The following DIS3 variants were observed in gnomAD, a reference collection of about 807,000 sequenced individuals.
DIS3 encodes exosome complex exonuclease RRP44.
DIS3 carries 103 observed loss-of-function variants against 113.0 expected under a neutral mutation model. The observed-to-expected ratio is 0.91, with a 90% CI of 0.78 to 1.07. The LOEUF (loss-of-function observed/expected upper bound fraction) is 1.07, where lower values mean the gene tolerates loss of function less well. Among genes scored for constraint, DIS3 ranks in the 50% least tolerant of loss-of-function variants. The probability of loss-of-function intolerance (pLI) is 0.00; values close to 1 mark genes in which losing one functional copy is unlikely to be tolerated. For synonymous variants in DIS3, 402 were observed against 394.3 expected (o/e 1.02, Z -0.23); for missense variants, 1,121 against 1,167.1 (o/e 0.96, Z 0.58).
chr13:72,781,734 C>A lies in DIS3; in HGVS notation c.99G>T (p.Ala33=). ...HYLRDDIGCG[A]PGCAACGGAH... ...CCCCTCCACACGCTGCGCACCCGGG[C>A]GCACCGCAGCCGATGTCGTCTCGCA... The change falls in exon 1 of 21, where the codon GCG becomes GCT. Residue 33 remains alanine (A), a synonymous_variant. Coordinates refer to ENST00000377767, the MANE Select transcript of DIS3 (RefSeq NM_014953.5). 6.3e-7 allele frequency: 1 copy of A among 1,587,672 alleles called. No individual in the cohort carries two copies. The highest frequency in any genetic ancestry group is 1.8e-4 in the Middle Eastern group (1 of 5,694).
chr13:72,766,181 G>C lies in DIS3; in HGVS notation c.1884-123C>G, dbSNP rs1038164025. Reference sequence around the variant, plus strand: ...GTGTGTAATAGTTGCTCTTCTGAAGGCTTTATGACCATCTGCTGTTTCATG... The same window carrying C: ...GTGTGTAATAGTTGCTCTTCTGAAGCCTTTATGACCATCTGCTGTTTCATG... On this transcript the variant is annotated intron_variant, in intron 14 of 20. Transcript: ENST00000377767. The C allele has an allele frequency of 1.2e-5, 8 of 692,620 alleles. No individual in the cohort carries two copies. The Admixed American group carries it at 1.6e-4, about 14-fold the overall frequency. 42.9% of individuals were successfully genotyped at this position (692,620 alleles called of 1,614,324 possible). A position where few individuals can be genotyped will look rare whatever the true frequency, so the allele number is the denominator to read the frequency against.
In DIS3 at chr13:72,754,915, T is replaced by C. The variant is rs1000158630; in HGVS notation, c.*4880A>G. 9 of 405,212 alleles carry C rather than the reference T, an allele frequency of 2.2e-5. No homozygotes were observed. Among genetic ancestry groups the C allele is most frequent in the Non-Finnish European group, 3.6e-5 (8 of 223,728 alleles). The allele number at this position is 405,212 out of a possible 1,614,324, so 25.1% of individuals were successfully genotyped here. On this transcript the variant is annotated 3_prime_UTR_variant, in exon 21 of 21. Coordinates refer to ENST00000377767, the MANE Select transcript of DIS3 (RefSeq NM_014953.5). ...TTTTGGTAGAGACAGGGTCTCACTA[T>C]GTTGCCAGGGCTAGTCCCAAACTCC... is the stretch of plus-strand genomic sequence containing the variant.
At chr13:72,774,463 T>C (rs985963806) in intron 6 of DIS3, among the ~76,000 whole-genome samples, 10 of 152,124 alleles carry the variant, frequency 6.6e-5, no homozygotes, top group African/African-American at 1.9e-4. Flanking sequence ...TTTGGACCTT[T>C]ATTTATTAAT....
In DIS3 at chr13:72,770,920, C is replaced by G; in HGVS notation, c.1739G>C (p.Ser580Thr). 6.2e-7 allele frequency: 1 copy of G among 1,603,354 alleles called. No homozygotes were observed. The highest frequency in any genetic ancestry group is 8.5e-7 in the Non-Finnish European group (1 of 1,174,258). ...GAAACGAACCTTTGAATTAATAACA[C>G]TTTTGGTAAACTTCGTTTTTAAGAT... ...AEILKTKFTK[S>T]VINSKASLTY... Residue 580 changes from serine to threonine, a missense_variant, in exon 13 of 21, where the codon AGT becomes ACT. Physicochemically the swap from Ser to Thr is moderately conservative, Grantham distance 58 (BLOSUM62 1). Transcript: ENST00000377767.
chr13:72,764,624 G>C (rs922277323), intron 15 of DIS3, among the ~76,000 whole-genome samples: 2 of 152,010 alleles, frequency 1.3e-5, no homozygotes, highest in African/African-American at 2.4e-5. Flanking sequence ...TACATTTTTC[G>C]GTTAGTTTAG....
Position 72,773,607 on chromosome 13 carries a change from T to C in DIS3, c.1239+77A>G, listed in dbSNP as rs999863349. 19 of 1,462,028 alleles carry C rather than the reference T, an allele frequency of 1.3e-5. No homozygotes were observed. The African/African-American group carries it at 2.0e-4, about 15-fold the overall frequency. 90.6% of individuals were successfully genotyped at this position (1,462,028 alleles called of 1,614,324 possible). On this transcript the variant is annotated intron_variant, in intron 8 of 20. Coordinates refer to ENST00000377767, the MANE Select transcript of DIS3 (RefSeq NM_014953.5). ...ACAAATTCTACATAAAAGTAGATTG[T>C]TTTTATTAAAAGCAGAAATACTATT...
chr13:72,761,254 A>G (rs2033615803), intron 19 of DIS3, 109 bp downstream of exon 19: 2 of 1,374,916 alleles, frequency 1.5e-6, no homozygotes, highest in South Asian at 2.9e-5. Context: ...AGATCAGGAT[A>G]AATTCTTCAG....
In DIS3 at chr13:72,776,056, G is replaced by A. The variant is rs200347119; in HGVS notation, c.691C>T (p.His231Tyr). 8.1e-5 allele frequency: 130 copies of A among 1,598,248 alleles called. 1 individual carries two copies. The highest frequency in any genetic ancestry group is 6.7e-4 in the South Asian group (58 of 87,044). ...IESGKIIFSEHLPLSKLQQGI... is the reference protein window; with the variant it reads ...IESGKIIFSEYLPLSKLQQGI... ...TGCTGTAGCTTACTTAAGGGAAGAT[G>A]CTCTGAAAATATTATTTTTCCACTT... is the stretch of plus-strand genomic sequence containing the variant. Residue 231 changes from histidine (H) to tyrosine (Y), a missense_variant, in exon 5 of 21, where the codon CAT (histidine) becomes TAT (tyrosine). This residue lies in a region of DIS3 where 861 missense variants were observed against 915.5 expected (regional missense o/e 0.94). Coordinates refer to ENST00000377767, the MANE Select transcript of DIS3 (RefSeq NM_014953.5).
intron 9 of DIS3, 89 bp from the exon 10 acceptor site, chr13:72,772,364 T>C (rs879559506): frequency 8.2e-5 from 83 of 1,010,580 alleles, no homozygotes; most frequent in East Asian, 6.4e-4. Context: ...GTAATATGTA[T>C]ACAAAAACAA....
At position 72,772,751 on chromosome 13, in the gene DIS3, G is replaced by C. The variant is rs2033917489; in HGVS notation, c.1328C>G (p.Pro443Arg). Residue 443 changes from proline (P) to arginine (R), a missense_variant, in exon 9 of 21, where the codon CCT becomes CGT. By Grantham distance (103) the Pro-to-Arg change is moderately radical. Coordinates refer to ENST00000377767, the MANE Select transcript of DIS3 (RefSeq NM_014953.5). ...AAAACTAAGAACAGCCTGTGAAAAA[G>C]GCTGATGGGGAACATCGTGTTCAAG... ...LLLEHDVPHQ[P>R]FSQAVLSFLP... The C allele has an allele frequency of 1.2e-6, 2 of 1,613,574 alleles. No individual in the cohort carries two copies. Among genetic ancestry groups the C allele is most frequent in the East Asian group, 4.5e-5 (2 of 44,826 alleles).
chr13:72,778,493 T>C, intron 2 of DIS3, 113 bp from the exon 3 acceptor site: 1 of 753,578 alleles, frequency 1.3e-6, no homozygotes, highest in East Asian at 2.6e-5. Context: ...ATGGTATATC[T>C]TTTCTCTTGA....
chr13:72,774,081 G>A, intron 6 of DIS3, 22 bp from the exon 7 acceptor site: 2 of 1,515,570 alleles, frequency 1.3e-6, no homozygotes, highest in Admixed American at 2.0e-5. Flanking sequence ...AAATTAAAAT[G>A]TTCAGTTATA....
At chr13:72,764,188 C>T (rs2033696736) in intron 15 of DIS3, among the ~76,000 whole-genome samples, 1 of 151,936 alleles carries the variant, frequency 6.6e-6, no homozygotes, top group Non-Finnish European at 1.5e-5. Context: ...AAAACAGAAG[C>T]TTTACTACTC....
Position 72,773,719 on chromosome 13 carries a change from T to C in DIS3, c.1204A>G (p.Ile402Val), listed in dbSNP as rs1410948691. 3 of 1,612,800 alleles carry C rather than the reference T, an allele frequency of 1.9e-6. No homozygotes were observed. In the Admixed American group the frequency reaches 5.0e-5, roughly 27 times the overall value. The change falls in exon 8 of 21, where the codon ATT becomes GTT. Residue 402 changes from isoleucine (I) to valine (V), a missense_variant. Physicochemically the swap from Ile to Val is conservative, Grantham distance 29 (BLOSUM62 3). Around this residue, in one of 3 missense-constraint regions of DIS3, gnomAD observed 861 missense variants for 915.5 expected, o/e 0.94. Transcript: ENST00000377767. ...TLEGRRIIVA[I>V]DGWPRNSRYP... Reference sequence around the variant, plus strand: ...CTGGAATTTCTGGGCCAACCATCAATAGCAACAATAATTCTCCGTCCTTCT... The same window carrying C: ...CTGGAATTTCTGGGCCAACCATCAACAGCAACAATAATTCTCCGTCCTTCT...
At chr13:72,778,482 AATGGTAT>A (rs1161994684) in intron 2 of DIS3, 102 bp from the exon 3 acceptor site, 5 of 852,306 alleles carry the variant, frequency 5.9e-6, no homozygotes, top group Non-Finnish European at 8.5e-6. Context: ...AGAAAAAGTC[AATGGTAT>A]ATCTTTTCTC....
chr13:72,780,700 A>G lies in DIS3; in HGVS notation c.386+146T>C. The G allele has an allele frequency of 2.4e-6, 2 of 828,572 alleles. 1 individual carries two copies. Among genetic ancestry groups the G allele is most frequent in the East Asian group, 5.3e-5 (2 of 37,712 alleles). The allele number at this position is 828,572 out of a possible 1,614,324, so 51.3% of individuals were successfully genotyped here. The stretch of plus-strand genomic sequence containing the variant: ...ACCTTAGAGAGATCCACTTAGCATT[A>G]TCTTCTGCACAGCCATGTAAGAATT... On this transcript the variant is annotated intron_variant, in intron 2 of 20. Coordinates refer to ENST00000377767, the MANE Select transcript of DIS3 (RefSeq NM_014953.5).
Position 72,772,890 on chromosome 13 carries a change from T to A in DIS3, c.1240-51A>T, listed in dbSNP as rs774488207. On this transcript the variant is annotated intron_variant, in intron 8 of 20. Coordinates refer to ENST00000377767, the MANE Select transcript of DIS3 (RefSeq NM_014953.5). ...ACGCCTATTTTATAGCAAATTTACATCTTATCATATTAAATTCTTCAGCAT... is the reference window on the plus strand; with the variant it reads ...ACGCCTATTTTATAGCAAATTTACAACTTATCATATTAAATTCTTCAGCAT... 6.6e-6 allele frequency: 10 copies of A among 1,516,066 alleles called. No individual in the cohort carries two copies. In the African/African-American group the frequency reaches 1.4e-4, roughly 21 times the overall value. The allele number at this position is 1,516,066 out of a possible 1,614,324, so 93.9% of individuals were successfully genotyped here.
chr13:72,780,933 T>C lies in DIS3; in HGVS notation c.299A>G (p.Asn100Ser), dbSNP rs1199070779. The C allele has an allele frequency of 1.9e-6, 3 of 1,613,606 alleles. No homozygotes were observed. The highest frequency in any genetic ancestry group is 1.1e-5 in the South Asian group (1 of 90,976). ...GCGTTTATATACGGGGGCACTGCGA[T>C]TTCTCACTTCTTGAAGAACTGTTTG... is the stretch of plus-strand genomic sequence containing the variant. The part of the protein sequence containing the change: ...VLQTVLQEVR[N>S]RSAPVYKRIR... Residue 100 changes from asparagine to serine, a missense_variant, in exon 2 of 21, where the codon AAT becomes AGT. By Grantham distance (46) the Asn-to-Ser change is conservative. Coordinates refer to ENST00000377767, the MANE Select transcript of DIS3 (RefSeq NM_014953.5).
At position 72,772,684 on chromosome 13, in the gene DIS3, T is replaced by C. The variant is rs1194552643; in HGVS notation, c.1386+9A>G. ...TTTATAAAGTCACTACAAATTACTT[T>C]CAACTTACCTTTTCAGTAATGCTCC... On this transcript the variant is annotated intron_variant, in intron 9 of 20. Coordinates refer to ENST00000377767, the MANE Select transcript of DIS3 (RefSeq NM_014953.5). The C allele has an allele frequency of 1.3e-6, 2 of 1,593,574 alleles. No homozygotes were observed. The highest frequency in any genetic ancestry group is 2.2e-5 in the East Asian group (1 of 44,704).
Sources: gnomAD v4.1 joint callset for allele counts (sites outside exome capture counted in the v4.1 genomes callset) on GRCh38, gnomAD v4.1.1 for gene constraint, gnomAD v4.1.1 regional missense constraint, MANE v1.5 for transcripts, NCBI Gene and HGNC (gene_info 2026-07-23, HGNC 2026-07-21) for gene names.